Variants in PACRGL observed in about 807,000 individuals in gnomAD.
PACRGL encodes PACRG-like protein.
Under a neutral mutation model 34.5 loss-of-function variants are expected in PACRGL, and 38 were observed. The ratio of observed to expected loss-of-function variants is 1.10; its 90% CI spans 0.85 to 1.44. PACRGL has a LOEUF of 1.44. Ranked by LOEUF, PACRGL falls within the 40% of genes most tolerant of loss-of-function variation. PACRGL has a pLI of 0.00. For synonymous variants in PACRGL, 128 were observed against 100.1 expected, an observed-to-expected ratio of 1.28 and a Z score of -1.66; for missense variants, 305 against 281.4, an observed-to-expected ratio of 1.08 and a Z score of -0.60.
chr4:20,702,940 C>T (rs571992473), intron 1 of PACRGL, among the ~76,000 whole-genome samples: 2 of 152,226 alleles, frequency 1.3e-5, no homozygotes, highest in South Asian at 4.2e-4. Context: ...TGAAATTATT[C>T]AGTGTGCAGA....
intron 1 of PACRGL, chr4:20,702,259 T>C (rs749563733): frequency 6.6e-6 from 3 of 455,880 alleles, no homozygotes; most frequent in Middle Eastern, 6.5e-4. Context: ...TAATTTGATA[T>C]GGCTGCCTGT....
chr4:20,705,951 G>T (rs1054950489), intron 3 of PACRGL, among the ~76,000 whole-genome samples: 1 of 148,766 alleles, frequency 6.7e-6, no homozygotes, highest in African/African-American at 2.5e-5. Flanking sequence ...ATAAACAGGT[G>T]TGTTCATTTT....
At position 20,729,223 on chromosome 4, in the gene PACRGL, T is replaced by TA. The variant is rs1747073740; in HGVS notation, c.*1883dup. On this transcript the variant is annotated 3_prime_UTR_variant, in exon 9 of 9. Coordinates refer to ENST00000503585, the MANE Select transcript of PACRGL (RefSeq NM_001258345.3). ...GTTAGGATTACTTGTTATTAAGCAT[T>TA]ACTATATACTGGAGGATAGATATCC... is the stretch of plus-strand genomic sequence containing the variant. 1 of 152,008 alleles carries TA rather than the reference T, an allele frequency of 6.6e-6. No homozygotes were observed. The highest frequency in any genetic ancestry group is 2.4e-5 in the African/African-American group (1 of 41,432). The allele number at this position is 152,008 out of a possible 1,614,324, so 9.4% of individuals were successfully genotyped here. A position where few individuals can be genotyped will look rare whatever the true frequency, so the allele number is the denominator to read the frequency against.
intron 3 of PACRGL, among the ~76,000 whole-genome samples, chr4:20,705,971 C>A (rs762924045): frequency 6.7e-6 from 1 of 149,458 alleles, no homozygotes; most frequent in Non-Finnish European, 1.5e-5. Context: ...TTTGTGAATT[C>A]ACTATTGTGA....
intron 7 of PACRGL, among the ~76,000 whole-genome samples, chr4:20,724,561 A>C (rs1744836928): frequency 6.6e-6 from 1 of 152,224 alleles, no homozygotes; most frequent in African/African-American, 2.4e-5. Context: ...GCTATTTTAT[A>C]GAAACCTTAC....
At chr4:20,760,792 C>G in the PACRGL span, among the ~76,000 whole-genome samples, 1 of 151,970 alleles carries the variant, frequency 6.6e-6, no homozygotes, top group Non-Finnish European at 1.5e-5. Flanking sequence ...TAATGATGAC[C>G]TCAAGGACCT....
chr4:20,716,188 C>T lies in PACRGL; in HGVS notation c.609+2649C>T, dbSNP rs1409414707. ...GAAGGATCCATGGAACTCAGGAAAG[C>T]TGTTACTGGCTGTTATGGTTTCTTA... On this transcript the variant is annotated intron_variant, in intron 7 of 8. Transcript: ENST00000503585. 6.6e-6 allele frequency: 7 copies of T among 1,054,614 alleles called. No individual in the cohort carries two copies. In the East Asian group the frequency reaches 1.3e-4, roughly 19 times the overall value. The allele number at this position is 1,054,614 out of a possible 1,614,324, so 65.3% of individuals were successfully genotyped here.
chr4:20,703,767 AAATTCATAAATTTCAT>A (rs1733338594), intron 1 of PACRGL, among the ~76,000 whole-genome samples: 1 of 152,186 alleles, frequency 6.6e-6, no homozygotes, highest in South Asian at 2.1e-4. Context: ...TAATCTGCCT[AAATTCATAAATTTCAT>A]AATTGGTAGA....
chr4:20,754,971 A>C (rs1044782039), downstream of PACRGL, among the ~76,000 whole-genome samples: 14 of 152,210 alleles, frequency 9.2e-5, no homozygotes, highest in Non-Finnish European at 1.6e-4. Flanking sequence ...TCTTTAAAAA[A>C]TCCATGGGTT....
intron 8 of PACRGL, among the ~76,000 whole-genome samples, chr4:20,726,945 C>A (rs1298266086): frequency 6.6e-6 from 1 of 152,118 alleles, no homozygotes; most frequent in Non-Finnish European, 1.5e-5. Context: ...TCCTAGTCAT[C>A]AGAGGGAGAT....
intron 7 of PACRGL, among the ~76,000 whole-genome samples, chr4:20,718,445 CA>C (rs1255685939): frequency 6.6e-6 from 1 of 152,116 alleles, no homozygotes; most frequent in Non-Finnish European, 1.5e-5. Flanking sequence ...TCTACCCATT[CA>C]GTATGATATT....
downstream of PACRGL, among the ~76,000 whole-genome samples, chr4:20,735,473 T>C (rs182451464): frequency 1.0e-3 from 157 of 152,244 alleles, no homozygotes; most frequent in African/African-American, 3.3e-3. Context: ...CCTGGTTAGA[T>C]TGCATTGCAG....
At chr4:20,713,034 T>A (rs574936549) in intron 6 of PACRGL, 112 bp downstream of exon 6, 2 of 1,105,324 alleles carry the variant, frequency 1.8e-6, no homozygotes, top group African/African-American at 1.6e-5. Flanking sequence ...TGCAAAGTAG[T>A]CCTTTATCTG....
downstream of PACRGL, among the ~76,000 whole-genome samples, chr4:20,735,529 T>C (rs200697422): frequency 5.8e-4 from 51 of 87,190 alleles, no homozygotes; most frequent in Middle Eastern, 0.013. Context: ...TTTTTTTTTT[T>C]GTTTTTTTTT....
At chr4:20,722,523 A>G (rs760817051) in intron 7 of PACRGL, among the ~76,000 whole-genome samples, 41 of 152,232 alleles carry the variant, frequency 2.7e-4, no homozygotes, top group Middle Eastern at 6.3e-3. Flanking sequence ...GGCAACGTGC[A>G]TGGAGTATTG....
In PACRGL at chr4:20,731,224, C is replaced by T. The variant is rs898439065; in HGVS notation, c.*3883C>T. 1.5e-4 allele frequency: 29 copies of T among 192,566 alleles called. No individual in the cohort carries two copies. In the Admixed American group the frequency reaches 1.7e-3, roughly 11 times the overall value. 11.9% of individuals were successfully genotyped at this position (192,566 alleles called of 1,614,324 possible). On this transcript the variant is annotated 3_prime_UTR_variant, in exon 9 of 9. Coordinates refer to ENST00000503585, the MANE Select transcript of PACRGL (RefSeq NM_001258345.3). ...AGCTGAGACTTCAGCCACGTGCCAC[C>T]GTGCCCAGCTAACTTAATTTTTTTT...
At chr4:20,722,028 G>C (rs1192024964) in intron 7 of PACRGL, among the ~76,000 whole-genome samples, 1 of 152,218 alleles carries the variant, frequency 6.6e-6, no homozygotes, top group African/African-American at 2.4e-5. Context: ...GCAATGGCGG[G>C]CGCCCCTCTC....
At chr4:20,765,887 T>C in the PACRGL span, among the ~76,000 whole-genome samples, 1 of 152,220 alleles carries the variant, frequency 6.6e-6, no homozygotes, top group Non-Finnish European at 1.5e-5. Flanking sequence ...TCTCAGGCCA[T>C]GTGGGGACAC....
At chr4:20,740,101 A>G (rs1578455898) in intron 8 of PACRGL, among the ~76,000 whole-genome samples, 1 of 152,206 alleles carries the variant, frequency 6.6e-6, no homozygotes, top group Non-Finnish European at 1.5e-5. Context: ...GGCCAAATCT[A>G]CGTCTGATTG....
Sources: allele counts gnomAD v4.1 joint callset (sites outside exome capture counted in the v4.1 genomes callset), GRCh38; gene constraint gnomAD v4.1.1; transcripts MANE v1.5; gene names NCBI Gene and HGNC (gene_info 2026-07-23, HGNC 2026-07-21).